The following PPM1E variants were observed in gnomAD, a reference collection of about 807,000 sequenced individuals.
PPM1E encodes the protein protein phosphatase, Mg2+/Mn2+ dependent 1E, also known as protein phosphatase 1E.
Under a neutral mutation model 65.9 loss-of-function variants are expected in PPM1E, and 20 were observed. The ratio of observed to expected loss-of-function variants is 0.30; its 90% confidence interval spans 0.21 to 0.44. The LOEUF (loss-of-function observed/expected upper bound fraction) is 0.44, where lower values mean the gene tolerates loss of function less well. Ranked by LOEUF, PPM1E falls within the 20% of genes least tolerant of loss-of-function variation. PPM1E has a pLI of 1.00. For missense variants in PPM1E, 713 were observed against 953.1 expected (o/e 0.75, Z 3.32); for synonymous variants, 352 against 374.9 (o/e 0.94, Z 0.70).
intron 1 of PPM1E, among the ~76,000 whole-genome samples, chr17:58,919,228 A>G (rs943892001): frequency 6.6e-5 from 10 of 152,234 alleles, no homozygotes; most frequent in African/African-American, 2.4e-4. Flanking sequence ...CATAAGAGAA[A>G]TGTGGCATTT....
intron 1 of PPM1E, among the ~76,000 whole-genome samples, chr17:58,915,737 T>C (rs1225474135): frequency 6.6e-6 from 1 of 152,216 alleles, no homozygotes; most frequent in Non-Finnish European, 1.5e-5. Context: ...AGTTTTATTT[T>C]TGTTGCATAT....
chr17:58,783,911 A>G (rs1007673475), intron 1 of PPM1E, among the ~76,000 whole-genome samples: 2 of 151,174 alleles, frequency 1.3e-5, no homozygotes, highest in African/African-American at 4.9e-5. Context: ...GGGTTTCGAC[A>G]TGCTGGCCAG....
Position 58,791,893 on chromosome 17 carries a change from CCTTCCATGAACTTT to C in PPM1E, c.464+35435_464+35448del, listed in dbSNP as rs146207634. ...TTCCTTAACCCTTTTTCCTGTTATT[CCTTCCATGAACTTT>C]CTGCTTAATTTCTTTCATTTTAATG... On this transcript the variant is annotated intron_variant, in intron 1 of 6. Transcript: ENST00000308249. Among the ~76,000 whole-genome samples the C allele has an allele frequency of 9.9e-3, 1,502 of 152,122 alleles. 25 individuals are homozygous for C. The highest frequency in any genetic ancestry group is 0.033 in the African/African-American group (1,389 of 41,502).
At chr17:58,768,879 G>A (rs181522782) in intron 1 of PPM1E, among the ~76,000 whole-genome samples, 38 of 152,196 alleles carry the variant, frequency 2.5e-4, no homozygotes, top group Admixed American at 2.0e-3. Context: ...ATGTTGGTCA[G>A]GCTGGTCTTG....
chr17:58,958,914 C>T (rs1382153903), intron 2 of PPM1E, among the ~76,000 whole-genome samples: 1 of 151,996 alleles, frequency 6.6e-6, no homozygotes, highest in African/African-American at 2.4e-5. Flanking sequence ...GCTCCAACTG[C>T]ACGGAAAAAG....
intron 1 of PPM1E, among the ~76,000 whole-genome samples, chr17:58,834,713 G>T (rs1450962837): frequency 6.6e-6 from 1 of 152,084 alleles, no homozygotes; most frequent in Admixed American, 6.5e-5. Flanking sequence ...ACAAGTGTGA[G>T]TTTATTTTTT....
chr17:58,869,704 C>CT (rs1235634439), intron 1 of PPM1E, among the ~76,000 whole-genome samples: 3 of 152,146 alleles, frequency 2.0e-5, no homozygotes, highest in African/African-American at 7.2e-5. Context: ...CAAAGACAGA[C>CT]TAAGACAAGG....
chr17:58,870,174 G>A (rs763904200), intron 1 of PPM1E, among the ~76,000 whole-genome samples: 2 of 152,090 alleles, frequency 1.3e-5, no homozygotes, highest in Admixed American at 1.3e-4. Flanking sequence ...TGACAATGAG[G>A]GACAAAGAGA....
chr17:58,803,885 G>A (rs983921694), intron 1 of PPM1E, among the ~76,000 whole-genome samples: 7 of 152,188 alleles, frequency 4.6e-5, no homozygotes, highest in Non-Finnish European at 8.8e-5. Flanking sequence ...AAGTTGAATA[G>A]TAGTGTTTTA....
chr17:58,972,158 G>A lies in PPM1E; in HGVS notation c.999G>A (p.Val333=), dbSNP rs1162068057. The change falls in exon 5 of 7, where the codon GTG becomes GTA. Residue 333 remains valine (V), a synonymous_variant. Coordinates refer to ENST00000308249, the MANE Select transcript of PPM1E (RefSeq NM_014906.5). ...GCTTAAGATGTGGGACCACAGGAGT[G>A]GTGACTTTCATCAGAGGCAACATGC... ...RESLRCGTTG[V]VTFIRGNMLH... is the part of the protein sequence containing the mutation. The A allele has an allele frequency of 1.9e-5, 31 of 1,614,006 alleles. No homozygotes were observed. The East Asian group carries it at 6.9e-4, about 36-fold the overall frequency.
chr17:58,895,949 C>CAAAAAAA (rs34230027), intron 1 of PPM1E, among the ~76,000 whole-genome samples: 1 of 127,782 alleles, frequency 7.8e-6, no homozygotes, highest in Non-Finnish European at 1.7e-5. Context: ...GCTAAACATA[C>CAAAAAAA]AAAAAAAAAA....
intron 1 of PPM1E, among the ~76,000 whole-genome samples, chr17:58,841,037 A>G (rs935079017): frequency 6.6e-6 from 1 of 152,148 alleles, no homozygotes; most frequent in African/African-American, 2.4e-5. Flanking sequence ...TGCAAACGGG[A>G]TGTTTGTAGT....
At chr17:58,933,920 C>A (rs1251696045) in intron 1 of PPM1E, among the ~76,000 whole-genome samples, 1 of 151,810 alleles carries the variant, frequency 6.6e-6, no homozygotes, top group East Asian at 1.9e-4. Context: ...GATGCTGAAA[C>A]TCCATCTCTA....
At chr17:58,933,835 G>T (rs1379997273) in intron 1 of PPM1E, among the ~76,000 whole-genome samples, 1 of 148,734 alleles carries the variant, frequency 6.7e-6, no homozygotes, top group African/African-American at 2.5e-5. Flanking sequence ...AGTGGCTCAC[G>T]CCTGTAATCC....
intron 1 of PPM1E, among the ~76,000 whole-genome samples, chr17:58,884,061 A>G (rs2051238283): frequency 6.6e-6 from 1 of 152,196 alleles, no homozygotes; most frequent in African/African-American, 2.4e-5. Flanking sequence ...TGTTTTTCAG[A>G]ATGATACCTG....
At chr17:58,872,845 A>G (rs1223626084) in intron 1 of PPM1E, among the ~76,000 whole-genome samples, 1 of 152,172 alleles carries the variant, frequency 6.6e-6, no homozygotes, top group African/African-American at 2.4e-5. Flanking sequence ...CATATGTTAT[A>G]TGTTATAGTT....
At chr17:58,947,629 T>A (rs1366609985) in intron 1 of PPM1E, among the ~76,000 whole-genome samples, 2 of 151,788 alleles carry the variant, frequency 1.3e-5, no homozygotes, top group Non-Finnish European at 2.9e-5. Flanking sequence ...TCGGTTCTCC[T>A]TTTACAGATT....
chr17:58,785,440 G>A (rs1463579564), intron 1 of PPM1E: 1 of 119,332 alleles, frequency 8.4e-6, no homozygotes, highest in East Asian at 2.6e-4. Flanking sequence ...GTAGCTAGAT[G>A]TACCACACCT....
At chr17:58,873,565 G>GTATTATTAT (rs140125879) in intron 1 of PPM1E, among the ~76,000 whole-genome samples, 3,248 of 140,894 alleles carry the variant, frequency 0.023, 57 homozygotes, top group East Asian at 0.049. Context: ...AATGCTCATA[G>GTATTATTAT]TATTATTATT....
Sources: gnomAD v4.1 joint callset for allele counts (sites outside exome capture counted in the v4.1 genomes callset) on GRCh38, gnomAD v4.1.1 for gene constraint, MANE v1.5 for transcripts, NCBI Gene and HGNC (gene_info 2026-07-23, HGNC 2026-07-21) for gene names.